The following FAM78B variants were observed in gnomAD, a reference collection of about 807,000 sequenced individuals.
The protein encoded by FAM78B is family with sequence similarity 78 member B.
FAM78B carries 10 observed loss-of-function variants against 20.0 expected under a neutral mutation model. That is an observed-to-expected ratio of 0.50 (90% confidence interval 0.31 to 0.85). The LOEUF (loss-of-function observed/expected upper bound fraction) is 0.85. Ranked by LOEUF, FAM78B falls within the 40% of genes least tolerant of loss-of-function variation. The pLI, the probability that FAM78B is intolerant of heterozygous loss-of-function variation, is 0.05. For missense variants in FAM78B, 283 were observed against 345.0 expected (o/e 0.82, Z 1.42); for synonymous variants, 135 against 132.8 (o/e 1.02, Z -0.12).
chr1:166,071,364 C>T (rs1330411630), intron 1 of FAM78B, among the ~76,000 whole-genome samples: 1 of 152,310 alleles, frequency 6.6e-6, no homozygotes, highest in South Asian at 2.1e-4. Flanking sequence ...CTTCTGGAAA[C>T]CATCTGAATG....
chr1:166,164,849 G>T (rs1405441741), intron 1 of FAM78B: 23 of 152,300 alleles, frequency 1.5e-4, no homozygotes, highest in African/African-American at 2.4e-5. Context: ...CCAGAAAAAG[G>T]GTTTCCCTGT....
At chr1:166,112,610 C>A (rs145417451) in intron 1 of FAM78B, among the ~76,000 whole-genome samples, 1 of 152,170 alleles carries the variant, frequency 6.6e-6, no homozygotes, top group Admixed American at 6.5e-5. Context: ...TTCTGAGGAG[C>A]CTTATTATTC....
At chr1:166,056,009 T>C (rs919246099), downstream of FAM78B, among the ~76,000 whole-genome samples, 1 of 152,210 alleles carries the variant, frequency 6.6e-6, no homozygotes, top group Non-Finnish European at 1.5e-5. Context: ...TGCATTCTGA[T>C]AGAGAAGATG....
chr1:166,140,478 T>C (rs1293515036), intron 1 of FAM78B, among the ~76,000 whole-genome samples: 1 of 152,198 alleles, frequency 6.6e-6, no homozygotes, highest in Non-Finnish European at 1.5e-5. Flanking sequence ...AAACGATAGT[T>C]AGGATGACCA....
intron 1 of FAM78B, among the ~76,000 whole-genome samples, chr1:166,154,011 C>T (rs1477778347): frequency 6.6e-6 from 1 of 152,180 alleles, no homozygotes; most frequent in Non-Finnish European, 1.5e-5. Flanking sequence ...AAAGAATTGA[C>T]TGAAACCAAC....
intron 1 of FAM78B, among the ~76,000 whole-genome samples, chr1:166,132,545 CAA>C (rs1413370020): frequency 6.6e-6 from 1 of 152,190 alleles, no homozygotes; most frequent in Admixed American, 6.5e-5. Flanking sequence ...ACCATTATGA[CAA>C]AGGGCTTTAC....
chr1:166,097,258 T>C (rs28718625), intron 1 of FAM78B, among the ~76,000 whole-genome samples: 29,703 of 152,048 alleles, frequency 0.2, 3,310 homozygotes, highest in East Asian at 0.38. Context: ...CCTGGCACCA[T>C]AGGGATCCAA....
downstream of FAM78B, among the ~76,000 whole-genome samples, chr1:166,065,357 T>G (rs979712165): frequency 3.3e-5 from 5 of 152,228 alleles, no homozygotes; most frequent in African/African-American, 9.6e-5. Context: ...GCCAAAATAT[T>G]ACAGGATTGT....
intron 1 of FAM78B, 144 bp downstream of exon 1, chr1:166,165,842 G>A: frequency 1.1e-6 from 1 of 895,510 alleles, no homozygotes; most frequent in Non-Finnish European, 1.7e-6. Flanking sequence ...AGCGTAGGGA[G>A]GAGGGAGGTG....
At chr1:166,129,195 T>C (rs184908842) in intron 1 of FAM78B, among the ~76,000 whole-genome samples, 132 of 152,318 alleles carry the variant, frequency 8.7e-4, no homozygotes, top group Non-Finnish European at 1.7e-3. Context: ...CCTGTGTATA[T>C]AGATTTAGAG....
intron 1 of FAM78B, among the ~76,000 whole-genome samples, chr1:166,110,731 T>C (rs755056540): frequency 1.3e-5 from 2 of 152,146 alleles, no homozygotes; most frequent in African/African-American, 2.4e-5. Context: ...GCCCAACTAT[T>C]AGAGACTCAG....
In FAM78B at chr1:166,069,855, CCTACTT is replaced by C. The variant is rs1651947572; in HGVS notation, c.*380_*385del. 1 of 450,880 alleles carries C rather than the reference CCTACTT, an allele frequency of 2.2e-6. No homozygotes were observed. Among genetic ancestry groups the C allele is most frequent in the Non-Finnish European group, 3.0e-6 (1 of 338,488 alleles). The allele number at this position is 450,880 out of a possible 1,614,324, so 27.9% of individuals were successfully genotyped here. On this transcript the variant is annotated 3_prime_UTR_variant, in exon 2 of 2. Transcript: ENST00000354422. ...ACCACCTGGTGTGGATGTTTTCACT[CCTACTT>C]CTAATTGGCTGGGAAGCAGCATTTG...
Position 166,149,011 on chromosome 1 carries a change from A to G in FAM78B, c.263+16975T>C, listed in dbSNP as rs1335327958. Among the ~76,000 whole-genome samples the G allele has an allele frequency of 2.6e-5, 4 of 152,220 alleles. No homozygotes were observed. The East Asian group carries it at 7.7e-4, about 29-fold the overall frequency. On this transcript the variant is annotated intron_variant, in intron 1 of 1. Coordinates refer to ENST00000354422, the MANE Select transcript of FAM78B (RefSeq NM_001017961.5). ...ATGGCTGCATAGTATTCCATGGTGT[A>G]TATGTGCCACATTTTCTTAATCCAG...
At chr1:166,129,249 G>C (rs1333292181) in intron 1 of FAM78B, among the ~76,000 whole-genome samples, 1 of 152,216 alleles carries the variant, frequency 6.6e-6, no homozygotes, top group East Asian at 1.9e-4. Context: ...GCAGCATATG[G>C]CATGTGCTCC....
At chr1:166,121,059 T>C (rs1001319948) in intron 1 of FAM78B, among the ~76,000 whole-genome samples, 5 of 152,248 alleles carry the variant, frequency 3.3e-5, no homozygotes, top group Admixed American at 2.6e-4. Flanking sequence ...GTGCACTCTT[T>C]AAATTTGTAG....
At chr1:166,099,498 C>CAGAATGGATA (rs1393651270) in intron 1 of FAM78B, among the ~76,000 whole-genome samples, 10 of 152,104 alleles carry the variant, frequency 6.6e-5, no homozygotes, top group Non-Finnish European at 2.9e-5. Context: ...TAAAAACTCA[C>CAGAATGGATA]CAACTAACTA....
At chr1:166,078,883 T>C (rs1203199798) in intron 1 of FAM78B, among the ~76,000 whole-genome samples, 1 of 151,248 alleles carries the variant, frequency 6.6e-6, no homozygotes, top group African/African-American at 2.4e-5. Context: ...GCGGCAGTAC[T>C]ACCCTTAGAC....
chr1:166,064,029 G>A (rs1651708847), intron 2 of FAM78B, among the ~76,000 whole-genome samples: 1 of 152,188 alleles, frequency 6.6e-6, no homozygotes, highest in Non-Finnish European at 1.5e-5. Context: ...CCCAGGCCCA[G>A]CTGGGAGAGG....
intron 1 of FAM78B, among the ~76,000 whole-genome samples, chr1:166,072,319 G>A (rs955269067): frequency 1.3e-5 from 2 of 152,172 alleles, no homozygotes; most frequent in African/African-American, 4.8e-5. Flanking sequence ...TGGGGAGGAG[G>A]TGACCCCACA....
Sources: allele counts gnomAD v4.1 joint callset (sites outside exome capture counted in the v4.1 genomes callset), GRCh38; gene constraint gnomAD v4.1.1; transcripts MANE v1.5; gene names NCBI Gene and HGNC (gene_info 2026-07-23, HGNC 2026-07-21).